Variants in ZSWIM3 observed in about 807,000 individuals in gnomAD.
The protein encoded by ZSWIM3 is zinc finger SWIM domain-containing protein 3.
Under a neutral mutation model 47.5 loss-of-function variants are expected in ZSWIM3, and 27 were observed. That is an observed-to-expected ratio of 0.57 (90% CI 0.42 to 0.78). The LOEUF (loss-of-function observed/expected upper bound fraction) is 0.78. Ranked by LOEUF, ZSWIM3 falls within the 30% of genes least tolerant of loss-of-function variation. ZSWIM3 has a pLI of 0.00. For synonymous variants in ZSWIM3, 333 were observed against 333.9 expected, an observed-to-expected ratio of 1.00 and a Z score of 0.03; for missense variants, 689 against 861.3, an observed-to-expected ratio of 0.80 and a Z score of 2.50.
intron 1 of ZSWIM3, among the ~76,000 whole-genome samples, chr20:45,875,726 C>T (rs1181477911): frequency 8.0e-6 from 1 of 124,672 alleles, no homozygotes; most frequent in Non-Finnish European, 1.8e-5. Context: ...TAGTCTCAAA[C>T]TCCTGACCTT....
Position 45,857,624 on chromosome 20 carries a change from A to G in ZSWIM3, c.-202A>G. The G allele has an allele frequency of 4.3e-6, 3 of 693,362 alleles. No homozygotes were observed. In the Admixed American group the frequency reaches 7.8e-5, roughly 18 times the overall value. 43.0% of individuals were successfully genotyped at this position (693,362 alleles called of 1,614,324 possible). A position where few individuals can be genotyped will look rare whatever the true frequency, so the allele number is the denominator to read the frequency against. On this transcript the variant is annotated 5_prime_UTR_variant, in exon 1 of 2. Coordinates refer to ENST00000255152, the MANE Select transcript of ZSWIM3 (RefSeq NM_080752.4). ...AGTGTCATTTCCCCTGTCAGATAGC[A>G]AATACACCCCCTTCCTCTTGTAACC...
Position 45,875,206 on chromosome 20 carries a change from C to A in ZSWIM3, c.156-1508C>A, listed in dbSNP as rs142486477. ...TACAGGCGCCTGCCACCACACCCAG[C>A]TAATTTTTTGTATTTTTAGTAGAGA... On this transcript the variant is annotated intron_variant, in intron 1 of 1. Coordinates refer to ENST00000255152, the MANE Select transcript of ZSWIM3 (RefSeq NM_080752.4). Among the ~76,000 whole-genome samples the A allele has an allele frequency of 7.9e-3, 1,201 of 151,896 alleles. 18 individuals are homozygous for A. Among genetic ancestry groups the A allele is most frequent in the Middle Eastern group, 0.037 (11 of 294 alleles).
In ZSWIM3 at chr20:45,862,485, A is replaced by AC. The variant is rs1299099060; in HGVS notation, c.155+4505_155+4506insC. 1.4e-3 allele frequency among the ~76,000 whole-genome samples: 206 copies of AC among 146,860 alleles called. 1 individual carries two copies. The highest frequency in any genetic ancestry group is 4.7e-3 in the African/African-American group (189 of 39,846). The stretch of plus-strand genomic sequence containing the variant: ...CTATTTATTTATTTCATTTTTATTT[A>AC]TTTACTTACTTACTTACTTATTTTG... On this transcript the variant is annotated intron_variant, in intron 1 of 1. Coordinates refer to ENST00000255152, the MANE Select transcript of ZSWIM3 (RefSeq NM_080752.4).
chr20:45,858,083 C>T (rs939936182), intron 1 of ZSWIM3, 103 bp downstream of exon 1: 103 of 1,273,750 alleles, frequency 8.1e-5, no homozygotes, highest in Non-Finnish European at 1.1e-4. Flanking sequence ...CATTGGGCTG[C>T]GTGGCCATTC....
chr20:45,867,705 C>T (rs1985880296), intron 1 of ZSWIM3, among the ~76,000 whole-genome samples: 1 of 152,086 alleles, frequency 6.6e-6, no homozygotes, highest in Non-Finnish European at 1.5e-5. Flanking sequence ...GACTTTATGC[C>T]CAGTTTCCCC....
At position 45,878,804 on chromosome 20, in the gene ZSWIM3, G is replaced by T. The variant is rs143895287; in HGVS notation, c.*155G>T. ...CAGTAGAGAGGAAGGGAACTCCACT[G>T]TGTGACAGTCCTTTCAATCTGCCCC... On this transcript the variant is annotated 3_prime_UTR_variant, in exon 2 of 2. Transcript: ENST00000255152. 4.1e-6 allele frequency: 4 copies of T among 973,492 alleles called. No homozygotes were observed. In the African/African-American group the frequency reaches 4.9e-5, roughly 12 times the overall value. The allele number at this position is 973,492 out of a possible 1,614,324, so 60.3% of individuals were successfully genotyped here.
chr20:45,874,019 G>T (rs1008827565), intron 1 of ZSWIM3, among the ~76,000 whole-genome samples: 5 of 152,218 alleles, frequency 3.3e-5, no homozygotes, highest in African/African-American at 1.2e-4. Context: ...AGCTGGAAAA[G>T]ACCCTAAATA....
intron 1 of ZSWIM3, among the ~76,000 whole-genome samples, chr20:45,874,732 C>T (rs1447504985): frequency 1.3e-5 from 2 of 151,580 alleles, no homozygotes; most frequent in Non-Finnish European, 2.9e-5. Context: ...ACCAGCTAAG[C>T]ACTCTGCTGC....
At chr20:45,863,334 C>T (rs1985757017) in intron 1 of ZSWIM3, among the ~76,000 whole-genome samples, 1 of 152,094 alleles carries the variant, frequency 6.6e-6, no homozygotes, top group Admixed American at 6.6e-5. Context: ...ATAATAATTT[C>T]CTTAAAGTGG....
chr20:45,861,729 C>T (rs1985713263), intron 1 of ZSWIM3, among the ~76,000 whole-genome samples: 1 of 151,972 alleles, frequency 6.6e-6, no homozygotes, highest in Admixed American at 6.6e-5. Flanking sequence ...TATGCACCCC[C>T]ATGCCAGGCT....
At chr20:45,867,296 C>T (rs183862802) in intron 1 of ZSWIM3, among the ~76,000 whole-genome samples, 1 of 152,102 alleles carries the variant, frequency 6.6e-6, no homozygotes. Context: ...TGTGAGCCAC[C>T]GCACCTGGCC....
chr20:45,867,605 G>T (rs1738009326), intron 1 of ZSWIM3, among the ~76,000 whole-genome samples: 1 of 152,194 alleles, frequency 6.6e-6, no homozygotes, highest in Admixed American at 6.5e-5. Flanking sequence ...CGGCTATGTG[G>T]CTGTGGGCAG....
chr20:45,861,982 T>A (rs1985718544), intron 1 of ZSWIM3, among the ~76,000 whole-genome samples: 1 of 151,900 alleles, frequency 6.6e-6, no homozygotes, highest in Non-Finnish European at 1.5e-5. Flanking sequence ...TGAGTCAAGA[T>A]CATGCCACTA....
At chr20:45,867,889 T>C (rs987442976) in intron 1 of ZSWIM3, among the ~76,000 whole-genome samples, 1 of 152,232 alleles carries the variant, frequency 6.6e-6, no homozygotes, top group African/African-American at 2.4e-5. Flanking sequence ...TTTACAAGAA[T>C]TGTCTCAATC....
chr20:45,865,089 C>A (rs1194940228), intron 1 of ZSWIM3, among the ~76,000 whole-genome samples: 1 of 152,126 alleles, frequency 6.6e-6, no homozygotes. Context: ...GAGGCCGAGG[C>A]GGGCGGATCA....
chr20:45,858,768 C>A lies in ZSWIM3; in HGVS notation c.155+788C>A, dbSNP rs114384745. ...GGCAGTGTTCTCTATGCATGCTTTA[C>A]CCTGCAGGGCTTTTTTTTCAGAATT... On this transcript the variant is annotated intron_variant, in intron 1 of 1. Coordinates refer to ENST00000255152, the MANE Select transcript of ZSWIM3 (RefSeq NM_080752.4). 3.8e-3 allele frequency among the ~76,000 whole-genome samples: 445 copies of A among 117,968 alleles called. 3 individuals are homozygous for A. Among genetic ancestry groups the A allele is most frequent in the African/African-American group, 0.012 (428 of 36,156 alleles). 77.4% of individuals were successfully genotyped at this position (117,968 alleles called of 152,430 possible). A position where few individuals can be genotyped will look rare whatever the true frequency, so the allele number is the denominator to read the frequency against.
chr20:45,878,710 G>T lies in ZSWIM3; in HGVS notation c.*61G>T. 6.5e-7 allele frequency: 1 copy of T among 1,547,138 alleles called. No homozygotes were observed. Among genetic ancestry groups the T allele is most frequent in the African/African-American group, 1.4e-5 (1 of 73,332 alleles). On this transcript the variant is annotated 3_prime_UTR_variant, in exon 2 of 2. Transcript: ENST00000255152. ...CTCCTTGGAAGTGTGAGAGTTTAAA[G>T]TGGGCAGGACATACTAGGGTTTAGC...
chr20:45,875,547 G>A (rs76533313), intron 1 of ZSWIM3, among the ~76,000 whole-genome samples: 4,027 of 151,804 alleles, frequency 0.027, 196 homozygotes, highest in African/African-American at 0.092. Context: ...TGTTGCCTGG[G>A]CTGGAGTACA....
chr20:45,869,334 A>G (rs1444429974), intron 1 of ZSWIM3, among the ~76,000 whole-genome samples: 2 of 151,312 alleles, frequency 1.3e-5, no homozygotes, highest in African/African-American at 2.4e-5. Context: ...GCCTGGCCAC[A>G]TGGTGAAACC....
Sources: allele counts gnomAD v4.1 joint callset (sites outside exome capture counted in the v4.1 genomes callset), GRCh38; gene constraint gnomAD v4.1.1; transcripts MANE v1.5; gene names NCBI Gene and HGNC (gene_info 2026-07-23, HGNC 2026-07-21).